RFX2: variants seen among roughly 807,000 people sequenced by gnomAD.
RFX2 encodes the protein regulatory factor X2, also known as DNA-binding protein RFX2.
In RFX2, 20 loss-of-function variants were observed where a neutral mutation model predicts 87.8. The ratio of observed to expected loss-of-function variants is 0.23; its 90% CI spans 0.16 to 0.33. The LOEUF (loss-of-function observed/expected upper bound fraction) is 0.33, where lower values mean the gene tolerates loss of function less well. Ranked by LOEUF, RFX2 falls within the 10% of genes least tolerant of loss-of-function variation. The probability of loss-of-function intolerance (pLI) is 1.00; values close to 1 mark genes in which losing one functional copy is unlikely to be tolerated. For synonymous variants in RFX2, 397 were observed against 431.3 expected, an observed-to-expected ratio of 0.92 and a Z score of 0.98; for missense variants, 767 against 1,012.3, an observed-to-expected ratio of 0.76 and a Z score of 3.29.
intron 12 of RFX2, among the ~76,000 whole-genome samples, chr19:6,005,186 C>T (rs561463869): frequency 1.3e-4 from 20 of 152,260 alleles, no homozygotes; most frequent in African/African-American, 2.2e-4. Flanking sequence ...GAAACTCAGA[C>T]GAGGCATTGC....
intron 1 of RFX2, among the ~76,000 whole-genome samples, chr19:6,072,554 A>G (rs1472787713): frequency 6.6e-6 from 1 of 152,000 alleles, no homozygotes; most frequent in Admixed American, 6.5e-5. Context: ...AAAAAATTAA[A>G]AATTATTCGG....
In RFX2 at chr19:6,024,715, C is replaced by CAGTGAGGACGGG; in HGVS notation, c.597+1436_597+1447dup. ...CAGCACAGAAGTCAGGATGGAATCA[C>CAGTGAGGACGGG]AGTGAGGACGGGAGTGAGGACGGGA... On this transcript the variant is annotated intron_variant, in intron 6 of 17. Coordinates refer to ENST00000303657, the MANE Select transcript of RFX2 (RefSeq NM_000635.4). The surrounding 1 kb of genome is among the most constrained non-coding windows in gnomAD (Gnocchi z 5.0). 6.6e-6 allele frequency among the ~76,000 whole-genome samples: 1 copy of CAGTGAGGACGGG among 151,736 alleles called. No individual in the cohort carries two copies. The highest frequency in any genetic ancestry group is 1.9e-4 in the East Asian group (1 of 5,148).
intron 17 of RFX2, among the ~76,000 whole-genome samples, 190 bp downstream of exon 17, chr19:5,995,411 C>T (rs911399795): frequency 3.9e-5 from 6 of 152,170 alleles, no homozygotes; most frequent in Admixed American, 1.3e-4. Context: ...GAGCCCCAGC[C>T]GAGCCAGTCT....
intron 1 of RFX2, among the ~76,000 whole-genome samples, chr19:6,104,336 G>A (rs1445642877): frequency 1.3e-5 from 2 of 152,032 alleles, no homozygotes; most frequent in Non-Finnish European, 2.9e-5. Flanking sequence ...TTGGGAGGCT[G>A]AGGTGGGCGG....
At chr19:6,048,805 A>C (rs2087231575) in intron 1 of RFX2, among the ~76,000 whole-genome samples, 1 of 152,218 alleles carries the variant, frequency 6.6e-6, no homozygotes. Flanking sequence ...TGTGTGTTTG[A>C]ATTCGAGTGT....
In RFX2 at chr19:6,050,919, C is replaced by T. The variant is rs917681069; in HGVS notation, c.-8-3415G>A. ...TCAGAGAAAAACTACATATTATATT[C>T]GGAGAACAAGGGCACAGATGATGAC... is the stretch of plus-strand genomic sequence containing the variant. On this transcript the variant is annotated intron_variant, in intron 1 of 17. Coordinates refer to ENST00000303657, the MANE Select transcript of RFX2 (RefSeq NM_000635.4). This position sits in a 1 kb window ranked among gnomAD's most constrained non-coding sequence, Gnocchi z 4.6. Among the ~76,000 whole-genome samples the T allele has an allele frequency of 2.0e-5, 3 of 152,066 alleles. No homozygotes were observed. Among genetic ancestry groups the T allele is most frequent in the Admixed American group, 6.6e-5 (1 of 15,266 alleles).
chr19:6,002,104 G>T lies in RFX2; in HGVS notation c.1651-81C>A. 1 of 1,258,032 alleles carries T rather than the reference G, an allele frequency of 7.9e-7. No homozygotes were observed. Among genetic ancestry groups the T allele is most frequent in the Non-Finnish European group, 1.1e-6 (1 of 921,710 alleles). The allele number at this position is 1,258,032 out of a possible 1,614,324, so 77.9% of individuals were successfully genotyped here. A position where few individuals can be genotyped will look rare whatever the true frequency, so the allele number is the denominator to read the frequency against. ...CTCCCTGGACCTAGCCATGCTCAGG[G>T]CGGGACATCGTGCTGTGCTTGAGCC... On this transcript the variant is annotated intron_variant, in intron 14 of 17. Transcript: ENST00000303657. This position sits in a 1 kb window ranked among gnomAD's most constrained non-coding sequence, Gnocchi z 6.7.
chr19:6,080,202 A>ATG (rs368062995), intron 1 of RFX2, among the ~76,000 whole-genome samples: 19,389 of 138,358 alleles, frequency 0.14, 1,357 homozygotes, highest in Middle Eastern at 0.17. Flanking sequence ...TGCCTGGTTA[A>ATG]TGTGTGTGTG....
At chr19:6,079,487 G>A (rs1217149392) in intron 1 of RFX2, among the ~76,000 whole-genome samples, 1 of 152,228 alleles carries the variant, frequency 6.6e-6, no homozygotes, top group East Asian at 1.9e-4. Context: ...CAGAGCTATA[G>A]AAAGGGACAG....
At position 5,999,864 on chromosome 19, in the gene RFX2, T is replaced by G. The variant is rs546851012; in HGVS notation, c.1859+1951A>C. The stretch of plus-strand genomic sequence containing the variant: ...TGTGTGGCTGTCTGGGGGAAAGATG[T>G]TCCAGGCAAGGGGGGCAGGTGCAAA... On this transcript the variant is annotated intron_variant, in intron 15 of 17. Coordinates refer to ENST00000303657, the MANE Select transcript of RFX2 (RefSeq NM_000635.4). The surrounding 1 kb of genome is among the most constrained non-coding windows in gnomAD (Gnocchi z 4.1). 6.6e-6 allele frequency among the ~76,000 whole-genome samples: 1 copy of G among 151,990 alleles called. No individual in the cohort carries two copies. The highest frequency in any genetic ancestry group is 2.4e-5 in the African/African-American group (1 of 41,480).
At position 6,020,520 on chromosome 19, in the gene RFX2, G is replaced by A. The variant is rs1293866824; in HGVS notation, c.598-4249C>T. 6.6e-6 allele frequency among the ~76,000 whole-genome samples: 1 copy of A among 152,152 alleles called. No individual in the cohort carries two copies. The highest frequency in any genetic ancestry group is 1.5e-5 in the Non-Finnish European group (1 of 68,038). ...CTTGCAGACTCTGTTCAGGGTCTAC[G>A]CCTCACCAGCAGGCTGGGAGCCACT... On this transcript the variant is annotated intron_variant, in intron 6 of 17. Coordinates refer to ENST00000303657, the MANE Select transcript of RFX2 (RefSeq NM_000635.4). The surrounding 1 kb of genome is among the most constrained non-coding windows in gnomAD (Gnocchi z 5.3).
chr19:6,105,702 T>C (rs1166448001), intron 1 of RFX2, among the ~76,000 whole-genome samples: 1 of 151,806 alleles, frequency 6.6e-6, no homozygotes, highest in Non-Finnish European at 1.5e-5. Context: ...GCAGTGGAGG[T>C]GGCGAGGCAT....
rs2087174433 is a variant in RFX2, at chr19:6,045,516, TCTGATC to T, written c.91-1240_91-1235del. Among the ~76,000 whole-genome samples the T allele has an allele frequency of 6.6e-6, 1 of 152,210 alleles. No individual in the cohort carries two copies. The highest frequency in any genetic ancestry group is 1.9e-4 in the East Asian group (1 of 5,198). On this transcript the variant is annotated intron_variant, in intron 2 of 17. Coordinates refer to ENST00000303657, the MANE Select transcript of RFX2 (RefSeq NM_000635.4). The surrounding 1 kb of genome is among the most constrained non-coding windows in gnomAD (Gnocchi z 5.2). ...CACAACTGCTGGCAGGGCGACGGCG[TCTGATC>T]CTCACCTCAGATGGGCTTCCAAGAC...
intron 1 of RFX2, among the ~76,000 whole-genome samples, chr19:6,105,013 G>A (rs187476372): frequency 3.3e-5 from 5 of 151,734 alleles, no homozygotes; most frequent in Admixed American, 3.3e-4. Context: ...AGCTACTCAG[G>A]AGGCTGAGGC....
chr19:6,107,123 G>A (rs1480395976), intron 1 of RFX2, among the ~76,000 whole-genome samples: 5 of 151,268 alleles, frequency 3.3e-5, no homozygotes, highest in East Asian at 3.9e-4. Context: ...GTGAAACCCC[G>A]TCTCTACTAA....
At position 6,061,857 on chromosome 19, in the gene RFX2, C is replaced by A. The variant is rs1419147708; in HGVS notation, c.-8-14353G>T. Reference sequence around the variant, plus strand: ...GGAATGATATAGCTGATGTGCCCACCCCGAGTGTGGATCCCAGCAGGTGCC... The same window carrying A: ...GGAATGATATAGCTGATGTGCCCACACCGAGTGTGGATCCCAGCAGGTGCC... On this transcript the variant is annotated intron_variant, in intron 1 of 17. Coordinates refer to ENST00000303657, the MANE Select transcript of RFX2 (RefSeq NM_000635.4). This position sits in a 1 kb window ranked among gnomAD's most constrained non-coding sequence, Gnocchi z 5.2. Among the ~76,000 whole-genome samples the A allele has an allele frequency of 6.6e-6, 1 of 152,010 alleles. No homozygotes were observed. The highest frequency in any genetic ancestry group is 1.5e-5 in the Non-Finnish European group (1 of 68,008).
chr19:6,103,388 G>A (rs772376723), intron 1 of RFX2, among the ~76,000 whole-genome samples: 1 of 152,210 alleles, frequency 6.6e-6, no homozygotes, highest in Non-Finnish European at 1.5e-5. Context: ...AAACAGGAAT[G>A]CACTTTCAGG....
At chr19:6,075,802 T>G (rs1327379582) in intron 1 of RFX2, among the ~76,000 whole-genome samples, 2 of 152,184 alleles carry the variant, frequency 1.3e-5, no homozygotes, top group African/African-American at 4.8e-5. Flanking sequence ...TGAGCCAGGC[T>G]GCAGACACTA....
In RFX2 at chr19:6,002,797, C is replaced by T. The variant is rs151006536; in HGVS notation, c.1574G>A (p.Arg525Gln). 58 of 1,613,774 alleles carry T rather than the reference C, an allele frequency of 3.6e-5. No homozygotes were observed. The highest frequency in any genetic ancestry group is 1.6e-4 in the East Asian group (7 of 44,874). ...TSLNHLAQAARAVLQNTSQIN... is the reference protein window; with the variant it reads ...TSLNHLAQAAQAVLQNTSQIN... ...CTGGGACGTGTTCTGCAGCACCGCC[C>T]GGGCCGCCTGCGCCAGGTGGTTGAG... is the stretch of plus-strand genomic sequence containing the variant. The change falls in exon 14 of 18, where the codon CGG (arginine) becomes CAG (glutamine). Residue 525 changes from arginine to glutamine, a missense_variant. Arg to Gln is a conservative substitution (Grantham distance 43). This residue lies in a region of RFX2 where 621 missense variants were observed against 873.0 expected (regional missense o/e 0.71). Coordinates refer to ENST00000303657, the MANE Select transcript of RFX2 (RefSeq NM_000635.4). The surrounding 1 kb of genome is among the most constrained non-coding windows in gnomAD (Gnocchi z 6.7).
Sources: allele counts gnomAD v4.1 joint callset (sites outside exome capture counted in the v4.1 genomes callset), GRCh38; gene constraint gnomAD v4.1.1; regional missense constraint gnomAD v4.1.1; non-coding constraint Gnocchi (gnomAD v3.1); transcripts MANE v1.5; gene names NCBI Gene and HGNC (gene_info 2026-07-23, HGNC 2026-07-21).